Variants in CACNA1H observed in about 807,000 individuals in gnomAD.
CACNA1H encodes calcium voltage-gated channel subunit alpha1 H.
In CACNA1H, 149 loss-of-function variants were observed where a neutral mutation model predicts 192.5. That is an observed-to-expected ratio of 0.77 (90% CI 0.68 to 0.89). CACNA1H has a LOEUF of 0.89. Among genes scored for constraint, CACNA1H ranks in the 40% least tolerant of loss-of-function variants. The pLI, the probability that CACNA1H is intolerant of heterozygous loss-of-function variation, is 0.00. For synonymous variants in CACNA1H, 2,202 were observed against 1,475.2 expected (o/e 1.49, Z -11.29); for missense variants, 4,257 against 3,423.5 (o/e 1.24, Z -6.08).
At chr16:1,189,312 C>A (rs1301980116) in intron 2 of CACNA1H, among the ~76,000 whole-genome samples, 8 of 151,260 alleles carry the variant, frequency 5.3e-5, no homozygotes, top group Non-Finnish European at 1.2e-4. Context: ...CCTGCCCAGC[C>A]CCTCAGAAGT....
intron 28 of CACNA1H, 40 bp from the exon 29 acceptor site, chr16:1,215,202 G>C (rs377605689): frequency 6.3e-7 from 1 of 1,586,732 alleles, no homozygotes; most frequent in African/African-American, 1.3e-5. Flanking sequence ...GAGCCGAGGC[G>C]GGGACCCCAG....
chr16:1,202,434 C>T lies in CACNA1H; in HGVS notation c.1984C>T (p.His662Tyr), dbSNP rs1354339359. The T allele has an allele frequency of 2.0e-6, 3 of 1,504,462 alleles. No homozygotes were observed. Among genetic ancestry groups the T allele is most frequent in the Middle Eastern group, 1.7e-4 (1 of 5,774 alleles). The allele number at this position is 1,504,462 out of a possible 1,614,324, so 93.2% of individuals were successfully genotyped here. A position where few individuals can be genotyped will look rare whatever the true frequency, so the allele number is the denominator to read the frequency against. ...CCCTGATCCCTACGAGAAGATCCCG[C>T]ATGTGGTCGGGGAGCATGGTGAGGA... ...NSPDPYEKIP[H>Y]VVGEHGLGQA... The change falls in exon 9 of 35, where the codon CAT becomes TAT. Residue 662 changes from histidine (H) to tyrosine (Y), a missense_variant. Coordinates refer to ENST00000348261, the MANE Select transcript of CACNA1H (RefSeq NM_021098.3).
In CACNA1H at chr16:1,204,337, G is replaced by A. The variant is rs765251048; in HGVS notation, c.2330G>A (p.Arg777His). The A allele has an allele frequency of 7.6e-6, 12 of 1,588,326 alleles. No homozygotes were observed. Among genetic ancestry groups the A allele is most frequent in the South Asian group, 3.4e-5 (3 of 87,806 alleles). The change falls in exon 10 of 35, where the codon CGC becomes CAC. Residue 777 changes from arginine to histidine, a missense_variant. Physicochemically the swap from Arg to His is conservative, Grantham distance 29. Transcript: ENST00000348261. ...AAPGEPGWMG[R>H]LWVTFSGKLR... ...CCGGGCGAGCCAGGCTGGATGGGCC[G>A]CCTCTGGGTTACCTTCAGCGGCAAG...
intron 2 of CACNA1H, among the ~76,000 whole-genome samples, chr16:1,190,549 C>T (rs760662628): frequency 3.3e-5 from 5 of 152,258 alleles, no homozygotes; most frequent in South Asian, 2.1e-4. Context: ...CTGGCAGTCC[C>T]TCTCCAGGGC....
chr16:1,196,076 A>C, intron 5 of CACNA1H, 53 bp downstream of exon 5: 2 of 1,396,378 alleles, frequency 1.4e-6, no homozygotes, highest in Non-Finnish European at 2.0e-6. Context: ...CGTGTCCGCC[A>C]GCCCTGCAGA....
intron 2 of CACNA1H, among the ~76,000 whole-genome samples, chr16:1,154,521 G>C (rs1268520043): frequency 6.6e-6 from 1 of 152,202 alleles, no homozygotes; most frequent in East Asian, 1.9e-4. Context: ...TTCCGAGTGC[G>C]TGGGGAGACC....
chr16:1,200,661 A>C, intron 7 of CACNA1H, 55 bp from the exon 8 acceptor site: 1 of 1,561,192 alleles, frequency 6.4e-7, no homozygotes, highest in Non-Finnish European at 8.7e-7. Context: ...CCCCAGGGGC[A>C]CGGGGAGGAG....
chr16:1,206,906 CCCT>C, intron 12 of CACNA1H, 92 bp from the exon 13 acceptor site: 3 of 235,838 alleles, frequency 1.3e-5, no homozygotes, highest in Admixed American at 5.1e-5. Context: ...CCAGTCCTGC[CCCT>C]CCCTCCTCCC....
Position 1,215,660 on chromosome 16 carries a change from C to T in CACNA1H, c.5244+67C>T, listed in dbSNP as rs548298563. ...GACGGGGTTGCAGGGAGCGCCTCGC[C>T]GTCCCCCTCTCCCCCTCACTCGTTT... On this transcript the variant is annotated intron_variant, in intron 30 of 34. Transcript: ENST00000348261. 6 of 1,293,724 alleles carry T rather than the reference C, an allele frequency of 4.6e-6. No homozygotes were observed. In the South Asian group the frequency reaches 5.1e-5, roughly 11 times the overall value. The allele number at this position is 1,293,724 out of a possible 1,614,324, so 80.1% of individuals were successfully genotyped here.
At chr16:1,189,135 C>T (rs1966354720) in intron 2 of CACNA1H, among the ~76,000 whole-genome samples, 2 of 149,328 alleles carry the variant, frequency 1.3e-5, no homozygotes, top group South Asian at 4.1e-4. Context: ...AGGGAAGTGG[C>T]GGTGTGCAAC....
At position 1,181,642 on chromosome 16, in the gene CACNA1H, C is replaced by T. The variant is rs548069854; in HGVS notation, c.300-13330C>T. Among the ~76,000 whole-genome samples, 10 of 152,376 alleles carry T rather than the reference C, an allele frequency of 6.6e-5. No homozygotes were observed. In the South Asian group the frequency reaches 1.4e-3, roughly 22 times the overall value. ...AGAGATAAATAGGTATATTAGGTCT[C>T]TTTCTAATTAGCATGGCTTTTAAAA... On this transcript the variant is annotated intron_variant, in intron 2 of 34. Coordinates refer to ENST00000348261, the MANE Select transcript of CACNA1H (RefSeq NM_021098.3).
chr16:1,218,996 C>T lies in CACNA1H; in HGVS notation c.5914C>T (p.Pro1972Ser). The change falls in exon 34 of 35, where the codon CCC (proline) becomes TCC (serine). Residue 1972 changes from proline (P) to serine (S), a missense_variant. By Grantham distance (74) the Pro-to-Ser change is moderately conservative. Coordinates refer to ENST00000348261, the MANE Select transcript of CACNA1H (RefSeq NM_021098.3). ...CTCCGTTGCCTCTGTGCACTCTCCG[C>T]CCGCAGAGTCCTGTGCCTCCCTCCA... The part of the protein sequence containing the change: ...LGSVASVHSP[P>S]AESCASLQIP... 2.6e-6 allele frequency: 4 copies of T among 1,550,294 alleles called. No homozygotes were observed. The highest frequency in any genetic ancestry group is 1.4e-5 in the African/African-American group (1 of 73,142).
chr16:1,209,884 A>G (rs936973798), intron 17 of CACNA1H, 151 bp from the exon 18 acceptor site: 4 of 639,792 alleles, frequency 6.3e-6, no homozygotes, highest in African/African-American at 5.5e-5. Context: ...AGAGGCCAGA[A>G]AGCCAGAGCC....
At position 1,208,224 on chromosome 16, in the gene CACNA1H, A is replaced by G; in HGVS notation, c.3363+3A>G. ...CACTGGGAGACCAGAAGCCTCCGGT[A>G]GGGACCATCTCCTGCCCCAGCTCTC... On this transcript the variant is annotated splice_donor_region_variant and intron_variant, in intron 16 of 34. Coordinates refer to ENST00000348261, the MANE Select transcript of CACNA1H (RefSeq NM_021098.3). 2 of 1,552,786 alleles carry G rather than the reference A, an allele frequency of 1.3e-6. No homozygotes were observed. Among genetic ancestry groups the G allele is most frequent in the Non-Finnish European group, 1.7e-6 (2 of 1,150,814 alleles).
At chr16:1,200,640 C>T (rs1031209556) in intron 7 of CACNA1H, 69 bp downstream of exon 7, 1 of 1,593,898 alleles carries the variant, frequency 6.3e-7, no homozygotes. Context: ...ACTCGCCCCC[C>T]CCAGCCCAGA....
intron 12 of CACNA1H, 92 bp from the exon 13 acceptor site, chr16:1,206,909 T>TCCCCCCCCCCCCCC: frequency 1.7e-5 from 2 of 116,612 alleles, no homozygotes; most frequent in Non-Finnish European, 3.3e-5. Flanking sequence ...GTCCTGCCCC[T>TCCCCCCCCCCCCCC]CCCTCCTCCC....
chr16:1,170,800 A>G (rs2151704848), intron 2 of CACNA1H, among the ~76,000 whole-genome samples: 1 of 152,138 alleles, frequency 6.6e-6, no homozygotes, highest in African/African-American at 2.4e-5. Context: ...TCCCCACTGC[A>G]CCCCTTCTTT....
intron 2 of CACNA1H, among the ~76,000 whole-genome samples, chr16:1,161,334 G>A (rs995378296): frequency 2.6e-5 from 4 of 152,168 alleles, no homozygotes; most frequent in Admixed American, 6.5e-5. Context: ...TCTGTTGACC[G>A]CCAGGCCGCC....
intron 2 of CACNA1H, among the ~76,000 whole-genome samples, chr16:1,166,615 G>C (rs758677750): frequency 2.0e-5 from 3 of 152,142 alleles, no homozygotes; most frequent in Non-Finnish European, 4.4e-5. Context: ...GCAGTCAGCT[G>C]TCTCGGCGTC....
Sources: gnomAD v4.1 joint callset for allele counts (sites outside exome capture counted in the v4.1 genomes callset) on GRCh38, gnomAD v4.1.1 for gene constraint, MANE v1.5 for transcripts, NCBI Gene and HGNC (gene_info 2026-07-23, HGNC 2026-07-21) for gene names.